Variants in WDFY1 observed in about 807,000 individuals in gnomAD.
WDFY1 encodes the protein WD repeat and FYVE domain-containing protein 1.
In WDFY1, 32 loss-of-function variants were observed where a neutral mutation model predicts 56.4. The observed-to-expected ratio is 0.57, with a 90% confidence interval of 0.43 to 0.76. The LOEUF (loss-of-function observed/expected upper bound fraction) is 0.76, where lower values mean the gene tolerates loss of function less well. Ranked by LOEUF, WDFY1 falls within the 30% of genes least tolerant of loss-of-function variation. The pLI, the probability that WDFY1 is intolerant of heterozygous loss-of-function variation, is 0.00. For synonymous variants in WDFY1, 192 were observed against 197.3 expected (o/e 0.97, Z 0.23); for missense variants, 480 against 545.7 (o/e 0.88, Z 1.20).
intron 2 of WDFY1, among the ~76,000 whole-genome samples, chr2:223,914,156 C>A (rs1693750134): frequency 6.6e-6 from 1 of 151,994 alleles, no homozygotes; most frequent in Non-Finnish European, 1.5e-5. Flanking sequence ...ACCACCACAC[C>A]AGGCTAATTC....
rs1177491775 is a variant in WDFY1 at position 223,877,589 on chromosome 2, G to T, written c.*1082C>A. The T allele has an allele frequency of 1.3e-5, 2 of 152,216 alleles. No individual in the cohort carries two copies. Among genetic ancestry groups the T allele is most frequent in the Admixed American group, 6.5e-5 (1 of 15,290 alleles). 9.4% of individuals were successfully genotyped at this position (152,216 alleles called of 1,614,324 possible). A position where few individuals can be genotyped will look rare whatever the true frequency, so the allele number is the denominator to read the frequency against. On this transcript the variant is annotated 3_prime_UTR_variant, in exon 12 of 12. Transcript: ENST00000233055. Reference sequence around the variant, plus strand: ...GCTAGTTGTTAGGAAAGCAATTTATGAGTTGGGAATTATTGTGGAAGACTT... The same window carrying T: ...GCTAGTTGTTAGGAAAGCAATTTATTAGTTGGGAATTATTGTGGAAGACTT...
chr2:223,917,983 G>A lies in WDFY1; in HGVS notation c.165C>T (p.Asp55=), dbSNP rs752516309. The A allele has an allele frequency of 1.2e-6, 2 of 1,614,132 alleles. No homozygotes were observed. The highest frequency in any genetic ancestry group is 2.2e-5 in the East Asian group (1 of 44,886). The change falls in exon 2 of 12, where the codon GAC becomes GAT. Residue 55 remains aspartate (D), a synonymous_variant. Transcript: ENST00000233055. ...AAATGCTGGGCCAGTATTGACCACT[G>A]TCTCTTTTCAGCCATACCCGGATGG... is the stretch of plus-strand genomic sequence containing the variant. ...DRTIRVWLKR[D]SGQYWPSIYH...
At chr2:223,939,217 T>G (rs1000644512) in intron 1 of WDFY1, among the ~76,000 whole-genome samples, 7 of 152,190 alleles carry the variant, frequency 4.6e-5, no homozygotes, top group African/African-American at 1.7e-4. Context: ...ACTCTGGGGG[T>G]GGGGTCCAGC....
chr2:223,897,811 CCCTT>C (rs765165826), intron 6 of WDFY1, among the ~76,000 whole-genome samples: 18 of 152,074 alleles, frequency 1.2e-4, no homozygotes, highest in Non-Finnish European at 1.9e-4. Context: ...TAAATGAGCT[CCCTT>C]GAGATATGGT....
Position 223,943,779 on chromosome 2 carries a change from A to C in WDFY1, c.137+1369T>G, listed in dbSNP as rs142948546. Reference sequence around the variant, plus strand: ...TTCCAATCCAATCACTCAGGCCCAGAGCTGGTGGGAGTTCTGGATTGCATT... The same window carrying C: ...TTCCAATCCAATCACTCAGGCCCAGCGCTGGTGGGAGTTCTGGATTGCATT... On this transcript the variant is annotated intron_variant, in intron 1 of 11. Transcript: ENST00000233055. 6.7e-3 allele frequency among the ~76,000 whole-genome samples: 1,014 copies of C among 152,320 alleles called. 2 individuals are homozygous for C. Among genetic ancestry groups the C allele is most frequent in the Non-Finnish European group, 0.011 (719 of 68,034 alleles).
chr2:223,891,957 T>C (rs907552929), intron 8 of WDFY1, among the ~76,000 whole-genome samples: 5 of 152,174 alleles, frequency 3.3e-5, no homozygotes, highest in Non-Finnish European at 5.9e-5. Flanking sequence ...TATAGTATTA[T>C]GCATCCTATA....
intron 1 of WDFY1, among the ~76,000 whole-genome samples, chr2:223,934,114 A>C (rs1694128893): frequency 1.4e-5 from 2 of 142,628 alleles, no homozygotes; most frequent in South Asian, 2.2e-4. Flanking sequence ...TGAGAAAGAG[A>C]ATCTCACTCT....
intron 1 of WDFY1, among the ~76,000 whole-genome samples, chr2:223,920,707 T>C (rs1055480288): frequency 1.3e-5 from 2 of 152,052 alleles, no homozygotes; most frequent in Non-Finnish European, 2.9e-5. Context: ...GAGGAGAAAA[T>C]GGAGCTCAAA....
At chr2:223,933,009 T>C (rs891097146) in intron 1 of WDFY1, among the ~76,000 whole-genome samples, 5 of 152,146 alleles carry the variant, frequency 3.3e-5, no homozygotes, top group African/African-American at 1.2e-4. Context: ...AACGAGTCTC[T>C]GGAATTCTGC....
chr2:223,893,694 G>A (rs1372876559), intron 8 of WDFY1, among the ~76,000 whole-genome samples: 1 of 152,214 alleles, frequency 6.6e-6, no homozygotes, highest in Non-Finnish European at 1.5e-5. Context: ...CTCACAACTA[G>A]TTAGTGGCCG....
intron 1 of WDFY1, among the ~76,000 whole-genome samples, chr2:223,943,123 G>A (rs1388752917): frequency 2.0e-5 from 3 of 150,730 alleles, no homozygotes; most frequent in African/African-American, 4.9e-5. Flanking sequence ...GGAGGTTGCA[G>A]TGAGCCAAGA....
In WDFY1 at chr2:223,876,865, G is replaced by C. The variant is rs1559159875; in HGVS notation, c.*1806C>G. On this transcript the variant is annotated 3_prime_UTR_variant, in exon 12 of 12. Transcript: ENST00000233055. ...ATCCCTAGGATAGCACCTTTGTATG[G>C]GCTGAACCATTAACTGAACTAAAAT... 6.6e-6 allele frequency: 1 copy of C among 152,058 alleles called. No homozygotes were observed. The highest frequency in any genetic ancestry group is 1.9e-4 in the East Asian group (1 of 5,200). The allele number at this position is 152,058 out of a possible 1,614,324, so 9.4% of individuals were successfully genotyped here.
intron 8 of WDFY1, among the ~76,000 whole-genome samples, chr2:223,891,648 C>T (rs749039417): frequency 1.4e-4 from 21 of 152,210 alleles, no homozygotes; most frequent in East Asian, 3.9e-4. Flanking sequence ...TGCACTTTGA[C>T]GGTAGGAATC....
chr2:223,926,220 C>T (rs1029862097), intron 1 of WDFY1, among the ~76,000 whole-genome samples: 6 of 152,176 alleles, frequency 3.9e-5, no homozygotes, highest in African/African-American at 1.4e-4. Context: ...AATCAAGGCT[C>T]ACTGCAACCT....
Position 223,906,008 on chromosome 2 carries a change from G to A in WDFY1, c.280-7C>T, listed in dbSNP as rs760628495. ...CTTCAGAAACGTGAAATTCCTAAAA[G>A]CAAATGCACAAAATAAAAAATTAAA... is the stretch of plus-strand genomic sequence containing the variant. On this transcript the variant is annotated splice_polypyrimidine_tract_variant and splice_region_variant and intron_variant, in intron 3 of 11. Coordinates refer to ENST00000233055, the MANE Select transcript of WDFY1 (RefSeq NM_020830.5). 1 of 1,555,476 alleles carries A rather than the reference G, an allele frequency of 6.4e-7. No homozygotes were observed. The highest frequency in any genetic ancestry group is 2.3e-5 in the East Asian group (1 of 44,280).
chr2:223,898,087 CAT>C (rs1255872050), intron 6 of WDFY1, among the ~76,000 whole-genome samples: 1 of 152,290 alleles, frequency 6.6e-6, no homozygotes, highest in East Asian at 1.9e-4. Flanking sequence ...CTTTATTACA[CAT>C]GTGTATGTGG....
At chr2:223,936,992 G>A (rs897639092) in intron 1 of WDFY1, among the ~76,000 whole-genome samples, 5 of 152,144 alleles carry the variant, frequency 3.3e-5, no homozygotes, top group Non-Finnish European at 5.9e-5. Context: ...TTTGTTTTGC[G>A]TCTTTTGGCT....
chr2:223,895,405 A>C (rs1420119971), intron 7 of WDFY1, 99 bp downstream of exon 7: 2 of 1,565,326 alleles, frequency 1.3e-6, no homozygotes, highest in Non-Finnish European at 1.8e-6. Flanking sequence ...GCCATCTTAG[A>C]ACGTGGGGTT....
At chr2:223,933,980 A>AAAAAAAAT in intron 1 of WDFY1, among the ~76,000 whole-genome samples, 1 of 150,874 alleles carries the variant, frequency 6.6e-6, no homozygotes, top group Non-Finnish European at 1.5e-5. Flanking sequence ...AAAAAAAAAA[A>AAAAAAAAT]AGTCTCGAAC....
Sources: gnomAD v4.1 joint callset for allele counts (sites outside exome capture counted in the v4.1 genomes callset) on GRCh38, gnomAD v4.1.1 for gene constraint, MANE v1.5 for transcripts, NCBI Gene and HGNC (gene_info 2026-07-23, HGNC 2026-07-21) for gene names.